The following USP31 variants were observed in gnomAD, a reference collection of about 807,000 sequenced individuals.
The protein encoded by USP31 is ubiquitin specific peptidase 31.
In USP31, 44 loss-of-function variants were observed where a neutral mutation model predicts 119.4. The ratio of observed to expected loss-of-function variants is 0.37; its 90% CI spans 0.29 to 0.47. The LOEUF (loss-of-function observed/expected upper bound fraction) is 0.47, where lower values mean the gene tolerates loss of function less well. USP31 is among the 20% of genes least tolerant of loss of function. USP31 has a pLI of 0.99. For synonymous variants in USP31, 749 were observed against 705.6 expected, an observed-to-expected ratio of 1.06 and a Z score of -0.97; for missense variants, 1,643 against 1,730.2, an observed-to-expected ratio of 0.95 and a Z score of 0.89.
At position 23,061,497 on chromosome 16, in the gene USP31, G is replaced by C. The variant is rs747692421; in HGVS notation, c.*6549C>G. On this transcript the variant is annotated 3_prime_UTR_variant, in exon 16 of 16. Coordinates refer to ENST00000219689, the MANE Select transcript of USP31 (RefSeq NM_020718.4). ...AACTGTATACTATATAATCAACGCT[G>C]TTTCAGAAATAAAACGTTTCAAACG... 6.6e-6 allele frequency: 1 copy of C among 152,560 alleles called. No homozygotes were observed. The highest frequency in any genetic ancestry group is 2.4e-5 in the African/African-American group (1 of 41,394). 9.5% of individuals were successfully genotyped at this position (152,560 alleles called of 1,614,324 possible).
intron 1 of USP31, chr16:23,115,929 G>A (rs1464924851): frequency 9.6e-6 from 3 of 312,482 alleles, no homozygotes; most frequent in Non-Finnish European, 1.4e-5. Flanking sequence ...TAAAGAGGTC[G>A]AAGCATCCCA....
chr16:23,103,254 T>G (rs1486453860), intron 5 of USP31, among the ~76,000 whole-genome samples: 5 of 152,118 alleles, frequency 3.3e-5, no homozygotes, highest in Admixed American at 3.3e-4. Flanking sequence ...TTCTCCCATA[T>G]CATTTAATTT....
chr16:23,119,460 CCTT>C (rs1388827182), intron 1 of USP31, among the ~76,000 whole-genome samples: 1 of 152,146 alleles, frequency 6.6e-6, no homozygotes, highest in African/African-American at 2.4e-5. Flanking sequence ...TGCCCATAAT[CCTT>C]CTTCAACAAA....
chr16:23,090,813 G>A lies in USP31; in HGVS notation c.1235-9C>T. On this transcript the variant is annotated splice_polypyrimidine_tract_variant and intron_variant, in intron 6 of 15. Transcript: ENST00000219689. ...GTTGTTTAAATGAATTCCTGAAACA[G>A]AATAAAAACAACTCATTTTATCTCT... is the stretch of plus-strand genomic sequence containing the variant. 3 of 1,507,560 alleles carry A rather than the reference G, an allele frequency of 2.0e-6. No homozygotes were observed. Among genetic ancestry groups the A allele is most frequent in the Non-Finnish European group, 2.7e-6 (3 of 1,110,314 alleles). 93.4% of individuals were successfully genotyped at this position (1,507,560 alleles called of 1,614,324 possible). A position where few individuals can be genotyped will look rare whatever the true frequency, so the allele number is the denominator to read the frequency against.
At chr16:23,076,029 T>G (rs548777468) in intron 13 of USP31, among the ~76,000 whole-genome samples, 1 of 152,162 alleles carries the variant, frequency 6.6e-6, no homozygotes, top group South Asian at 2.1e-4. Flanking sequence ...GGGGCTGCAG[T>G]GAGCCACGAT....
chr16:23,105,184 T>C (rs955659350), intron 5 of USP31, among the ~76,000 whole-genome samples: 1 of 152,228 alleles, frequency 6.6e-6, no homozygotes, highest in African/African-American at 2.4e-5. Flanking sequence ...AATTATACCT[T>C]ATGAACAAAG....
At chr16:23,148,343 T>C (rs1392358266) in intron 1 of USP31, among the ~76,000 whole-genome samples, 1 of 152,192 alleles carries the variant, frequency 6.6e-6, no homozygotes, top group Non-Finnish European at 1.5e-5. Flanking sequence ...AAATGCAAGT[T>C]CCATGAAGGC....
chr16:23,090,289 G>C (rs552796179), intron 7 of USP31, among the ~76,000 whole-genome samples: 1 of 152,176 alleles, frequency 6.6e-6, no homozygotes, highest in African/African-American at 2.4e-5. Context: ...GGAAGGCTGA[G>C]CCAAGAGAAT....
chr16:23,100,319 A>C (rs1901795268), intron 6 of USP31, among the ~76,000 whole-genome samples: 1 of 152,246 alleles, frequency 6.6e-6, no homozygotes, highest in Non-Finnish European at 1.5e-5. Context: ...TCAAACAATA[A>C]AATATTATTT....
At chr16:23,140,027 G>A (rs1414794347) in intron 1 of USP31, among the ~76,000 whole-genome samples, 2 of 151,912 alleles carry the variant, frequency 1.3e-5, no homozygotes, top group African/African-American at 4.8e-5. Flanking sequence ...CTTCATTCCT[G>A]TGATTGTTTT....
intron 9 of USP31, 30 bp from the exon 10 acceptor site, chr16:23,085,692 C>A (rs2141846415): frequency 6.5e-7 from 1 of 1,541,620 alleles, no homozygotes; most frequent in Non-Finnish European, 8.9e-7. Flanking sequence ...GAGAGGGAAG[C>A]CACATATTAT....
intron 13 of USP31, among the ~76,000 whole-genome samples, chr16:23,074,265 T>C (rs1435984197): frequency 6.6e-6 from 1 of 152,134 alleles, no homozygotes; most frequent in Non-Finnish European, 1.5e-5. Context: ...CCACGGATGC[T>C]GCTAAACATT....
At chr16:23,096,392 G>A (rs1483204861) in intron 6 of USP31, among the ~76,000 whole-genome samples, 1 of 151,842 alleles carries the variant, frequency 6.6e-6, no homozygotes, top group African/African-American at 2.4e-5. Flanking sequence ...ACACAATAAT[G>A]GGAGACTTTA....
intron 11 of USP31, among the ~76,000 whole-genome samples, chr16:23,083,695 C>CGGGGGGG (rs11311505): frequency 5.0e-4 from 19 of 37,880 alleles, no homozygotes; most frequent in Non-Finnish European, 6.5e-4. Flanking sequence ...GCAAACCTGG[C>CGGGGGGG]GGGGGGGGGG....
intron 6 of USP31, among the ~76,000 whole-genome samples, chr16:23,093,888 G>A (rs1285948892): frequency 1.3e-5 from 2 of 152,224 alleles, no homozygotes; most frequent in Non-Finnish European, 2.9e-5. Context: ...TTCCAAGATG[G>A]CCGAACAGGA....
intron 1 of USP31, among the ~76,000 whole-genome samples, chr16:23,126,971 G>C (rs895501509): frequency 1.3e-5 from 2 of 152,112 alleles, no homozygotes; most frequent in Non-Finnish European, 2.9e-5. Context: ...AAAATTTAGG[G>C]AGAAAGGCAA....
intron 1 of USP31, among the ~76,000 whole-genome samples, chr16:23,133,033 C>G (rs561600067): frequency 3.3e-5 from 5 of 152,332 alleles, no homozygotes; most frequent in Admixed American, 1.3e-4. Context: ...GCCCAATCCA[C>G]TATGAAGCAT....
intron 1 of USP31, among the ~76,000 whole-genome samples, chr16:23,129,376 C>A (rs542695174): frequency 6.6e-6 from 1 of 152,134 alleles, no homozygotes; most frequent in South Asian, 2.1e-4. Flanking sequence ...GTGACAGAAA[C>A]AATATCAGAG....
intron 1 of USP31, among the ~76,000 whole-genome samples, chr16:23,142,642 C>A (rs1456918472): frequency 6.6e-6 from 1 of 152,188 alleles, no homozygotes; most frequent in Non-Finnish European, 1.5e-5. Context: ...TCAGTTCCCA[C>A]ATCCTGAAAG....
Sources: gnomAD v4.1 joint callset for allele counts (sites outside exome capture counted in the v4.1 genomes callset) on GRCh38, gnomAD v4.1.1 for gene constraint, MANE v1.5 for transcripts, NCBI Gene and HGNC (gene_info 2026-07-23, HGNC 2026-07-21) for gene names.